SFMBT2: variants seen among roughly 807,000 people sequenced by gnomAD.
SFMBT2 encodes Scm like with four mbt domains 2.
Under a neutral mutation model 110.1 loss-of-function variants are expected in SFMBT2, and 38 were observed. That is an observed-to-expected ratio of 0.35 (90% CI 0.27 to 0.45). The LOEUF is 0.45. Ranked by LOEUF, SFMBT2 falls within the 20% of genes least tolerant of loss-of-function variation. The pLI, the probability that SFMBT2 is intolerant of heterozygous loss-of-function variation, is 1.00. For missense variants in SFMBT2, 1,011 were observed against 1,094.9 expected (o/e 0.92, Z 1.08); for synonymous variants, 425 against 425.4 (o/e 1.00, Z 0.01).
At chr10:7,213,720 G>A (rs1839433740) in intron 11 of SFMBT2, among the ~76,000 whole-genome samples, 1 of 142,018 alleles carries the variant, frequency 7.0e-6, no homozygotes, top group Non-Finnish European at 1.5e-5. Context: ...CGTGTGCGAG[G>A]CCATGGGCGC....
chr10:7,297,821 A>G (rs1458028514), intron 4 of SFMBT2, among the ~76,000 whole-genome samples: 1 of 152,236 alleles, frequency 6.6e-6, no homozygotes, highest in Non-Finnish European at 1.5e-5. Flanking sequence ...CAGCACACGC[A>G]AGAGTGTGAC....
At position 7,284,042 on chromosome 10, in the gene SFMBT2, C is replaced by A; in HGVS notation, c.634G>T (p.Val212Phe). The change falls in exon 6 of 21, where the codon GTT becomes TTT. Residue 212 changes from valine (V) to phenylalanine (F), a missense_variant. Physicochemically the swap from Val to Phe is conservative, Grantham distance 50 (BLOSUM62 -1). Transcript: ENST00000397167. Reference protein sequence around the residue: ...QYWIVSVIENVGGRLRLRYVG... With the variant: ...QYWIVSVIENFGGRLRLRYVG... ...TAGCGAAGGCGTAATCTTCCTCCAA[C>A]ATTTTCAATCACACTAACTATCCAG... 6.2e-7 allele frequency: 1 copy of A among 1,614,180 alleles called. No homozygotes were observed. Among genetic ancestry groups the A allele is most frequent in the Non-Finnish European group, 8.5e-7 (1 of 1,180,014 alleles).
At chr10:7,393,300 G>A (rs566789974) in intron 1 of SFMBT2, among the ~76,000 whole-genome samples, 5 of 151,938 alleles carry the variant, frequency 3.3e-5, no homozygotes, top group Non-Finnish European at 7.4e-5. Context: ...CAAAGTGCTG[G>A]GATTACAGAC....
At chr10:7,350,793 G>C (rs1436029668) in intron 4 of SFMBT2, among the ~76,000 whole-genome samples, 1 of 152,230 alleles carries the variant, frequency 6.6e-6, no homozygotes, top group African/African-American at 2.4e-5. Context: ...CCTGAGGTTA[G>C]CCTTTGCTGT....
intron 1 of SFMBT2, among the ~76,000 whole-genome samples, chr10:7,391,152 A>T (rs984188252): frequency 6.6e-6 from 1 of 151,388 alleles, no homozygotes; most frequent in Non-Finnish European, 1.5e-5. Context: ...TAATACAAAG[A>T]CCAACAAGAA....
intron 10 of SFMBT2, among the ~76,000 whole-genome samples, chr10:7,222,528 C>T (rs1234747939): frequency 6.6e-6 from 1 of 152,168 alleles, no homozygotes; most frequent in Non-Finnish European, 1.5e-5. Context: ...GTGGTCAGGC[C>T]TCTGTGTGTA....
intron 10 of SFMBT2, among the ~76,000 whole-genome samples, chr10:7,225,249 T>C (rs1284516069): frequency 1.3e-5 from 2 of 152,204 alleles, no homozygotes; most frequent in African/African-American, 4.8e-5. Context: ...AAAGGATCAA[T>C]AGCAAAACTG....
At position 7,215,557 on chromosome 10, in the gene SFMBT2, C is replaced by T. The variant is rs1433406968; in HGVS notation, c.1330+4854G>A. Reference sequence around the variant, plus strand: ...TACATGGGGGCTCCAGGGCACTGCTCTGCTCAACCAAGCACTGGAATCCCT... The same window carrying T: ...TACATGGGGGCTCCAGGGCACTGCTTTGCTCAACCAAGCACTGGAATCCCT... On this transcript the variant is annotated intron_variant, in intron 11 of 20. Transcript: ENST00000397167. The T allele has an allele frequency of 4.1e-6, 4 of 985,468 alleles. No individual in the cohort carries two copies. The African/African-American group carries it at 7.0e-5, about 17-fold the overall frequency. The allele number at this position is 985,468 out of a possible 1,614,324, so 61.0% of individuals were successfully genotyped here.
chr10:7,399,192 G>C (rs961916049), intron 1 of SFMBT2, among the ~76,000 whole-genome samples: 7 of 152,282 alleles, frequency 4.6e-5, no homozygotes, highest in Non-Finnish European at 8.8e-5. Flanking sequence ...CCTACAACTG[G>C]AGTGCATAGA....
At chr10:7,353,507 AC>A (rs976197540) in intron 4 of SFMBT2, among the ~76,000 whole-genome samples, 11 of 151,740 alleles carry the variant, frequency 7.2e-5, no homozygotes, top group Admixed American at 1.3e-4. Context: ...AAAAAAAAAA[AC>A]ATCTTAATGG....
At position 7,159,391 on chromosome 10, in the gene SFMBT2, G is replaced by A. The variant is rs1036807956; in HGVS notation, c.*4379C>T. The A allele has an allele frequency of 6.6e-6, 1 of 152,150 alleles. No individual in the cohort carries two copies. Among genetic ancestry groups the A allele is most frequent in the Non-Finnish European group, 1.5e-5 (1 of 68,036 alleles). The allele number at this position is 152,150 out of a possible 1,614,324, so 9.4% of individuals were successfully genotyped here. On this transcript the variant is annotated 3_prime_UTR_variant, in exon 21 of 21. Transcript: ENST00000397167. ...TTTGGGGTATCTGCAAACCATTCTA[G>A]TGATAGAGCTATGAGAACTGGTCAA...
At chr10:7,282,622 A>T (rs1841978162) in intron 6 of SFMBT2, among the ~76,000 whole-genome samples, 1 of 152,242 alleles carries the variant, frequency 6.6e-6, no homozygotes, top group African/African-American at 2.4e-5. Flanking sequence ...CAGCAATAAT[A>T]CTAATAAAAT....
chr10:7,385,965 A>G (rs1014857752), intron 1 of SFMBT2, among the ~76,000 whole-genome samples: 1 of 152,058 alleles, frequency 6.6e-6, no homozygotes, highest in African/African-American at 2.4e-5. Flanking sequence ...GTGCCACTGC[A>G]CTCCAGCCTG....
At chr10:7,270,399 C>G (rs562564756) in intron 7 of SFMBT2, among the ~76,000 whole-genome samples, 1 of 152,308 alleles carries the variant, frequency 6.6e-6, no homozygotes, top group Non-Finnish European at 1.5e-5. Flanking sequence ...GAATTTGTGA[C>G]AGTAGCCTTT....
intron 15 of SFMBT2, among the ~76,000 whole-genome samples, chr10:7,197,047 T>A (rs1588792243): frequency 2.0e-5 from 3 of 152,136 alleles, no homozygotes; most frequent in Non-Finnish European, 4.4e-5. Flanking sequence ...ATTGAAATAC[T>A]TACCATTACC....
chr10:7,345,703 A>G (rs1277335131), intron 4 of SFMBT2, among the ~76,000 whole-genome samples: 1 of 152,202 alleles, frequency 6.6e-6, no homozygotes, highest in Non-Finnish European at 1.5e-5. Flanking sequence ...GTCTACAACT[A>G]CAGAAGAGTT....
At position 7,366,829 on chromosome 10, in the gene SFMBT2, T is replaced by C. The variant is rs959884413; in HGVS notation, c.436+820A>G. Among the ~76,000 whole-genome samples, 4 of 152,170 alleles carry C rather than the reference T, an allele frequency of 2.6e-5. No homozygotes were observed. In the East Asian group the frequency reaches 7.7e-4, roughly 29 times the overall value. ...CTGGTAATTATTGGTTATGGGGCTG[T>C]CCTGTGCATTGCGGGGGTTTAGCAT... On this transcript the variant is annotated intron_variant, in intron 4 of 20. Coordinates refer to ENST00000397167, the MANE Select transcript of SFMBT2 (RefSeq NM_001387889.1).
intron 9 of SFMBT2, among the ~76,000 whole-genome samples, chr10:7,229,418 A>G (rs1363003716): frequency 6.6e-6 from 1 of 151,894 alleles, no homozygotes; most frequent in African/African-American, 2.4e-5. Context: ...TTCTCTACTA[A>G]AAACACAAAA....
At chr10:7,273,866 T>A (rs1841682684) in intron 7 of SFMBT2, among the ~76,000 whole-genome samples, 1 of 152,222 alleles carries the variant, frequency 6.6e-6, no homozygotes, top group Non-Finnish European at 1.5e-5. Flanking sequence ...TGAAAGACAG[T>A]GTGGCGAGTC....
Sources: allele counts gnomAD v4.1 joint callset (sites outside exome capture counted in the v4.1 genomes callset), GRCh38; gene constraint gnomAD v4.1.1; transcripts MANE v1.5; gene names NCBI Gene and HGNC (gene_info 2026-07-23, HGNC 2026-07-21).